Variants in SCN9A observed in about 807,000 individuals in gnomAD.
The protein encoded by SCN9A is sodium channel protein type 9 subunit alpha.
In SCN9A, 131 loss-of-function variants were observed where a neutral mutation model predicts 187.0. The ratio of observed to expected loss-of-function variants is 0.70; its 90% CI spans 0.61 to 0.81. The LOEUF (loss-of-function observed/expected upper bound fraction) is 0.81, where lower values mean the gene tolerates loss of function less well. Ranked by LOEUF, SCN9A falls within the 30% of genes least tolerant of loss-of-function variation. The pLI is 0.00. For missense variants in SCN9A, 2,252 were observed against 2,396.6 expected, an observed-to-expected ratio of 0.94 and a Z score of 1.26; for synonymous variants, 809 against 808.6, an observed-to-expected ratio of 1.00 and a Z score of -0.01.
At chr2:166,363,173 CAGAG>C (rs138452908) in intron 1 of SCN9A, among the ~76,000 whole-genome samples, 15,323 of 151,982 alleles carry the variant, frequency 0.1, 910 homozygotes, top group East Asian at 0.2. Flanking sequence ...TAAAAATTAA[CAGAG>C]AGAGGAGATT....
chr2:166,311,512 T>C lies in SCN9A; in HGVS notation c.245A>G (p.Tyr82Cys). ...AAATAAACTCACCTTTTTGTCTGCA[T>C]AGTAGGGGTCCAAGTCCTCCAGGGG... ...SEPLEDLDPYYADKKTFIVLN... is the reference protein window; with the variant it reads ...SEPLEDLDPYCADKKTFIVLN... The change falls in exon 2 of 27, where the codon TAT becomes TGT. Residue 82 changes from tyrosine (Y) to cysteine (C), a missense_variant. By Grantham distance (194) the Tyr-to-Cys change is radical. Coordinates refer to ENST00000642356, the MANE Select transcript of SCN9A (RefSeq NM_001365536.1). 4 of 1,606,342 alleles carry C rather than the reference T, an allele frequency of 2.5e-6. No individual in the cohort carries two copies. The highest frequency in any genetic ancestry group is 1.1e-5 in the South Asian group (1 of 89,660).
intron 18 of SCN9A, among the ~76,000 whole-genome samples, chr2:166,247,349 C>T (rs555241485): frequency 2.0e-5 from 3 of 151,878 alleles, no homozygotes; most frequent in Admixed American, 6.6e-5. Context: ...TTAACATTAT[C>T]TTTCCAAAAG....
intron 20 of SCN9A, 134 bp from the exon 21 acceptor site, chr2:166,233,596 G>A: frequency 3.8e-6 from 2 of 526,236 alleles, no homozygotes; most frequent in Non-Finnish European, 6.2e-6. Flanking sequence ...TGTAGTCAAT[G>A]CCTAAAAATA....
chr2:166,249,683 T>C (rs1033367399), intron 18 of SCN9A, among the ~76,000 whole-genome samples: 1 of 152,136 alleles, frequency 6.6e-6, no homozygotes, highest in Admixed American at 6.6e-5. Context: ...TTTTCATTGA[T>C]GTTTATAGGA....
At chr2:166,215,212 G>C (rs1025256879) in intron 24 of SCN9A, among the ~76,000 whole-genome samples, 4 of 151,914 alleles carry the variant, frequency 2.6e-5, no homozygotes, top group African/African-American at 9.7e-5. Context: ...GGTCAAAGAA[G>C]AAATTATACG....
At chr2:166,250,227 A>C (rs1695975854) in intron 18 of SCN9A, among the ~76,000 whole-genome samples, 1 of 152,162 alleles carries the variant, frequency 6.6e-6, no homozygotes, top group South Asian at 2.1e-4. Flanking sequence ...CACTGAAAGC[A>C]AGTCGATGAT....
chr2:166,255,118 G>GA (rs1339697828), intron 17 of SCN9A, among the ~76,000 whole-genome samples: 2 of 147,558 alleles, frequency 1.4e-5, no homozygotes, highest in Non-Finnish European at 3.0e-5. Flanking sequence ...AAGAGAGAGA[G>GA]GAGAGAGAGA....
At chr2:166,367,868 G>T (rs561928325) in intron 1 of SCN9A, among the ~76,000 whole-genome samples, 4 of 152,164 alleles carry the variant, frequency 2.6e-5, no homozygotes, top group Admixed American at 2.6e-4. Flanking sequence ...CTCAGGAATT[G>T]GTGTCCAAGA....
chr2:166,371,138 T>G (rs1301198838), intron 1 of SCN9A, among the ~76,000 whole-genome samples: 1 of 152,354 alleles, frequency 6.6e-6, no homozygotes, highest in East Asian at 1.9e-4. Context: ...TATATCACTT[T>G]AAAAAATCTA....
At position 166,244,269 on chromosome 2, in the gene SCN9A, G is replaced by A. The variant is rs111963736; in HGVS notation, c.3473-1613C>T. 9.7e-3 allele frequency among the ~76,000 whole-genome samples: 1,471 copies of A among 151,984 alleles called. 26 individuals carry two copies. Among genetic ancestry groups the A allele is most frequent in the African/African-American group, 0.033 (1,366 of 41,478 alleles). ...TGCTGAAGTCAGAACAGTTTTTGAG[G>A]TCACACAAAAAGAGTATTTAGGGTG... On this transcript the variant is annotated intron_variant, in intron 18 of 26. Transcript: ENST00000642356.
intron 26 of SCN9A, among the ~76,000 whole-genome samples, chr2:166,202,388 AC>A (rs1693582789): frequency 6.7e-6 from 1 of 150,122 alleles, no homozygotes; most frequent in Non-Finnish European, 1.5e-5. Flanking sequence ...CTCTCTTCAA[AC>A]CCACTGAGCT....
intron 17 of SCN9A, among the ~76,000 whole-genome samples, chr2:166,264,429 A>G (rs917452628): frequency 6.6e-6 from 1 of 151,918 alleles, no homozygotes; most frequent in African/African-American, 2.4e-5. Context: ...TCTCATGGGT[A>G]CCTTTGAGAT....
At chr2:166,276,597 A>C (rs1697247235) in intron 16 of SCN9A, 1 of 157,626 alleles carries the variant, frequency 6.3e-6, no homozygotes, top group Admixed American at 6.4e-5. Flanking sequence ...ACATGGCTAT[A>C]AGGTGCGGGA....
chr2:166,270,815 C>A (rs1442563810), intron 17 of SCN9A, among the ~76,000 whole-genome samples: 1 of 150,034 alleles, frequency 6.7e-6, no homozygotes, highest in African/African-American at 2.5e-5. Flanking sequence ...TCTCGTTTTC[C>A]AAGTCCACTA....
chr2:166,323,802 A>G (rs1699299771), intron 1 of SCN9A, among the ~76,000 whole-genome samples: 1 of 151,948 alleles, frequency 6.6e-6, no homozygotes, highest in Admixed American at 6.6e-5. Flanking sequence ...TATGAAAGCT[A>G]TATTTATTTA....
At chr2:166,275,837 G>A (rs1240497634) in intron 16 of SCN9A, among the ~76,000 whole-genome samples, 5 of 152,112 alleles carry the variant, frequency 3.3e-5, no homozygotes, top group African/African-American at 1.2e-4. Context: ...TGTATGTCTG[G>A]CACAGTATCA....
chr2:166,271,106 G>A (rs1024256331), intron 17 of SCN9A, among the ~76,000 whole-genome samples: 2 of 151,946 alleles, frequency 1.3e-5, no homozygotes, highest in Non-Finnish European at 2.9e-5. Flanking sequence ...TGTTCTCAAT[G>A]AATTTACAGT....
chr2:166,293,383 G>A lies in SCN9A; in HGVS notation c.966-11C>T, dbSNP rs1698164924. The A allele has an allele frequency of 6.3e-7, 1 of 1,595,988 alleles. No individual in the cohort carries two copies. The highest frequency in any genetic ancestry group is 1.3e-5 in the African/African-American group (1 of 74,638). ...CCCTCTGGACACTGACTACACACGA[G>A]AAAGAACATTATAGGTGAGAGTGTC... On this transcript the variant is annotated splice_polypyrimidine_tract_variant and intron_variant, in intron 8 of 26. Coordinates refer to ENST00000642356, the MANE Select transcript of SCN9A (RefSeq NM_001365536.1).
At chr2:166,262,457 A>G (rs1239702783) in intron 17 of SCN9A, among the ~76,000 whole-genome samples, 1 of 151,982 alleles carries the variant, frequency 6.6e-6, no homozygotes, top group Middle Eastern at 3.2e-3. Flanking sequence ...ACCAAGGTAG[A>G]CTATAACCTA....
Sources: allele counts gnomAD v4.1 joint callset (sites outside exome capture counted in the v4.1 genomes callset), GRCh38; gene constraint gnomAD v4.1.1; transcripts MANE v1.5; gene names NCBI Gene and HGNC (gene_info 2026-07-23, HGNC 2026-07-21).